Variants in FSTL5 observed in about 807,000 individuals in gnomAD.
The protein encoded by FSTL5 is follistatin-related protein 5.
In FSTL5, 62 loss-of-function variants were observed where a neutral mutation model predicts 89.1. That is an observed-to-expected ratio of 0.70 (90% CI 0.57 to 0.86). FSTL5 has a LOEUF of 0.86. FSTL5 is among the 40% of genes least tolerant of loss of function. The probability of loss-of-function intolerance (pLI) is 0.00; values close to 1 mark genes in which losing one functional copy is unlikely to be tolerated. For synonymous variants in FSTL5, 383 were observed against 346.2 expected (o/e 1.11, Z -1.18); for missense variants, 1,057 against 1,001.6 (o/e 1.06, Z -0.75).
chr4:161,761,433 T>C (rs1740799111), intron 5 of FSTL5, among the ~76,000 whole-genome samples: 1 of 152,180 alleles, frequency 6.6e-6, no homozygotes, highest in Admixed American at 6.5e-5. Flanking sequence ...ATGTTAGCAT[T>C]GTGGTAATAT....
At chr4:161,873,804 A>G (rs1361833128) in intron 4 of FSTL5, among the ~76,000 whole-genome samples, 2 of 151,906 alleles carry the variant, frequency 1.3e-5, no homozygotes, top group Admixed American at 6.6e-5. Context: ...TGGAAAATAA[A>G]TCATACCACA....
At chr4:162,126,084 A>C (rs1049740810) in intron 1 of FSTL5, among the ~76,000 whole-genome samples, 2 of 152,078 alleles carry the variant, frequency 1.3e-5, no homozygotes, top group African/African-American at 4.8e-5. Flanking sequence ...AAGAATAATA[A>C]TTCTACCTTT....
At chr4:161,971,471 C>T (rs1020859986) in intron 3 of FSTL5, among the ~76,000 whole-genome samples, 1 of 152,048 alleles carries the variant, frequency 6.6e-6, no homozygotes, top group Non-Finnish European at 1.5e-5. Context: ...TGTTTCCTCT[C>T]TCCAACAATC....
At chr4:161,526,280 T>C (rs541657451) in intron 10 of FSTL5, among the ~76,000 whole-genome samples, 1 of 152,302 alleles carries the variant, frequency 6.6e-6, no homozygotes, top group African/African-American at 2.4e-5. Context: ...TTTGACCTAT[T>C]AGGGCATATT....
At chr4:161,712,848 C>A (rs2126741622) in intron 6 of FSTL5, among the ~76,000 whole-genome samples, 1 of 152,246 alleles carries the variant, frequency 6.6e-6, no homozygotes, top group Middle Eastern at 3.4e-3. Context: ...CCCCCTCTCT[C>A]TCGTTCCCTT....
At chr4:162,073,600 CATA>C (rs1729715390) in intron 2 of FSTL5, among the ~76,000 whole-genome samples, 1 of 151,636 alleles carries the variant, frequency 6.6e-6, no homozygotes, top group South Asian at 2.1e-4. Flanking sequence ...CTAAAAAGAA[CATA>C]ATGTTTAACT....
intron 1 of FSTL5, among the ~76,000 whole-genome samples, chr4:162,125,057 T>C (rs1732026326): frequency 6.6e-6 from 1 of 152,160 alleles, no homozygotes; most frequent in African/African-American, 2.4e-5. Context: ...CCACTGATTG[T>C]CCTACAGCAA....
intron 4 of FSTL5, among the ~76,000 whole-genome samples, chr4:161,898,835 T>C (rs1348848649): frequency 6.6e-6 from 1 of 151,962 alleles, no homozygotes; most frequent in Non-Finnish European, 1.5e-5. Context: ...TTCACCGTGT[T>C]AGCCAGGATG....
At chr4:162,015,516 C>G (rs910252586) in intron 3 of FSTL5, among the ~76,000 whole-genome samples, 1 of 152,190 alleles carries the variant, frequency 6.6e-6, no homozygotes, top group Non-Finnish European at 1.5e-5. Flanking sequence ...CACTAAAGCA[C>G]AGATATAACT....
intron 13 of FSTL5, among the ~76,000 whole-genome samples, chr4:161,478,275 A>G (rs909722501): frequency 2.6e-5 from 4 of 152,118 alleles, no homozygotes; most frequent in African/African-American, 7.2e-5. Flanking sequence ...GTTCCTCTAT[A>G]AATCATCACT....
chr4:161,886,797 C>T (rs1732822596), intron 4 of FSTL5, among the ~76,000 whole-genome samples: 1 of 152,122 alleles, frequency 6.6e-6, no homozygotes, highest in Admixed American at 6.6e-5. Flanking sequence ...TAGCACACTC[C>T]TCATTTTAGA....
chr4:161,857,618 T>C (rs1731761481), intron 4 of FSTL5, among the ~76,000 whole-genome samples: 1 of 152,136 alleles, frequency 6.6e-6, no homozygotes, highest in South Asian at 2.1e-4. Flanking sequence ...AACAAATTTA[T>C]CTCTATTTTA....
chr4:161,445,341 T>A (rs999638034), intron 15 of FSTL5, among the ~76,000 whole-genome samples: 1 of 151,862 alleles, frequency 6.6e-6, no homozygotes, highest in African/African-American at 2.4e-5. Context: ...AAATTCGTAT[T>A]CTTGACTTAT....
intron 6 of FSTL5, among the ~76,000 whole-genome samples, chr4:161,739,805 T>G (rs1270486479): frequency 6.6e-6 from 1 of 151,838 alleles, no homozygotes; most frequent in African/African-American, 2.4e-5. Context: ...AGTAGCCAGA[T>G]GAATACACTT....
chr4:161,412,463 A>G (rs1731626405), intron 15 of FSTL5, among the ~76,000 whole-genome samples: 2 of 151,954 alleles, frequency 1.3e-5, no homozygotes, highest in Non-Finnish European at 2.9e-5. Flanking sequence ...GAACACTTAG[A>G]CACAGGGTGG....
chr4:161,942,030 T>G (rs896062518), intron 3 of FSTL5, among the ~76,000 whole-genome samples: 2 of 151,924 alleles, frequency 1.3e-5, no homozygotes, highest in Non-Finnish European at 2.9e-5. Context: ...CAACATATTC[T>G]TAAACAATCA....
At chr4:162,030,318 A>G (rs1737472305) in intron 3 of FSTL5, among the ~76,000 whole-genome samples, 1 of 152,150 alleles carries the variant, frequency 6.6e-6, no homozygotes, top group Admixed American at 6.6e-5. Context: ...ATGAGATGAT[A>G]TATGTAGAAA....
At chr4:161,732,049 A>G (rs559204449) in intron 6 of FSTL5, among the ~76,000 whole-genome samples, 1 of 150,328 alleles carries the variant, frequency 6.7e-6, no homozygotes, top group South Asian at 2.2e-4. Context: ...CCAGGAGTGG[A>G]TTGGCTGTGT....
chr4:161,547,302 T>G (rs1259931174), intron 8 of FSTL5, among the ~76,000 whole-genome samples: 1 of 152,052 alleles, frequency 6.6e-6, no homozygotes, highest in Non-Finnish European at 1.5e-5. Flanking sequence ...CTCAAATTAT[T>G]TGATTATTTC....
Sources: gnomAD v4.1 joint callset for allele counts (sites outside exome capture counted in the v4.1 genomes callset) on GRCh38, gnomAD v4.1.1 for gene constraint, MANE v1.5 for transcripts, NCBI Gene and HGNC (gene_info 2026-07-23, HGNC 2026-07-21) for gene names.